Variants in NEMP2 observed in about 807,000 individuals in gnomAD.
The protein encoded by NEMP2 is nuclear envelope integral membrane protein 2.
A neutral mutation model predicts 54.2 loss-of-function variants in NEMP2; 53 were observed. The observed-to-expected ratio is 0.98, with a 90% CI of 0.78 to 1.23. The LOEUF (loss-of-function observed/expected upper bound fraction) is 1.23. Ranked by LOEUF, NEMP2 falls within the 50% of genes most tolerant of loss-of-function variation. The pLI is 0.00. For missense variants in NEMP2, 455 were observed against 511.3 expected (o/e 0.89, Z 1.06); for synonymous variants, 197 against 190.3 (o/e 1.04, Z -0.29).
chr2:190,510,633 G>A lies in NEMP2; in HGVS notation c.954-96C>T, dbSNP rs527514440. ...CTCGGTGGCTCACGCCTGTAATCCA[G>A]CATTTTGGGAGGCCTGGGGAGGCGG... is the stretch of plus-strand genomic sequence containing the variant. On this transcript the variant is annotated intron_variant, in intron 7 of 8. Transcript: ENST00000409150. This position sits in a 1 kb window ranked among gnomAD's most constrained non-coding sequence, Gnocchi z 5.7. 21 of 1,355,120 alleles carry A rather than the reference G, an allele frequency of 1.5e-5. No individual in the cohort carries two copies. The South Asian group carries it at 2.8e-4, about 18-fold the overall frequency. 83.9% of individuals were successfully genotyped at this position (1,355,120 alleles called of 1,614,324 possible). A position where few individuals can be genotyped will look rare whatever the true frequency, so the allele number is the denominator to read the frequency against.
At chr2:190,582,875 GC>G in the NEMP2 span, among the ~76,000 whole-genome samples, 1 of 152,092 alleles carries the variant, frequency 6.6e-6, no homozygotes, top group African/African-American at 2.4e-5. The surrounding 1 kb of genome is among the most constrained non-coding windows in gnomAD (Gnocchi z 4.6). Flanking sequence ...TCCTCAATTG[GC>G]CTCAGAAGTT....
the NEMP2 span, chr2:190,624,514 ATATT>A: frequency 6.6e-6 from 1 of 152,248 alleles, no homozygotes; most frequent in South Asian, 2.1e-4. Context: ...CCACATTTTC[ATATT>A]TATTACTCTA....
In NEMP2 at chr2:190,531,347, G is replaced by A. The variant is rs1457879233; in HGVS notation, c.97+3212C>T. Among the ~76,000 whole-genome samples, 2 of 152,198 alleles carry A rather than the reference G, an allele frequency of 1.3e-5. No homozygotes were observed. The highest frequency in any genetic ancestry group is 2.4e-5 in the African/African-American group (1 of 41,454). ...GTTTGCCTCAACCCTCAAGGACTGA[G>A]GAGTATCTGTGGGATCAACCCTGAA... On this transcript the variant is annotated intron_variant, in intron 1 of 8. Coordinates refer to ENST00000409150, the MANE Select transcript of NEMP2 (RefSeq NM_001142645.2). The surrounding 1 kb of genome is among the most constrained non-coding windows in gnomAD (Gnocchi z 4.7).
At chr2:190,559,238 G>C in the NEMP2 span, among the ~76,000 whole-genome samples, 2 of 152,186 alleles carry the variant, frequency 1.3e-5, no homozygotes, top group Non-Finnish European at 2.9e-5. This position sits in a 1 kb window ranked among gnomAD's most constrained non-coding sequence, Gnocchi z 4.0. Flanking sequence ...TGGAGACTAG[G>C]AAAGCAGAAA....
At chr2:190,618,116 A>C in the NEMP2 span, among the ~76,000 whole-genome samples, 1 of 152,236 alleles carries the variant, frequency 6.6e-6, no homozygotes, top group Non-Finnish European at 1.5e-5. Flanking sequence ...GAAGCCCAAG[A>C]CCTGAGCAGG....
At chr2:190,489,411 G>T in the NEMP2 span, among the ~76,000 whole-genome samples, 1 of 152,198 alleles carries the variant, frequency 6.6e-6, no homozygotes, top group Non-Finnish European at 1.5e-5. The surrounding 1 kb of genome is among the most constrained non-coding windows in gnomAD (Gnocchi z 6.6). Context: ...TTTGAGCACT[G>T]CTGTTCCAAC....
At chr2:190,600,660 A>G in the NEMP2 span, among the ~76,000 whole-genome samples, 30 of 152,164 alleles carry the variant, frequency 2.0e-4, no homozygotes, top group African/African-American at 7.2e-4. The surrounding 1 kb of genome is among the most constrained non-coding windows in gnomAD (Gnocchi z 4.9). Context: ...ATCTCTTTGC[A>G]CGTGCCAGCC....
chr2:190,613,510 T>C, the NEMP2 span, among the ~76,000 whole-genome samples: 2 of 152,226 alleles, frequency 1.3e-5, no homozygotes, highest in Admixed American at 1.3e-4. Context: ...CAGAGCTAAG[T>C]ACAAAGTTGC....
Position 190,514,593 on chromosome 2 carries a change from CA to C in NEMP2, c.812del (p.Leu271ArgfsTer27). The C allele has an allele frequency of 6.4e-7, 1 of 1,551,736 alleles. No homozygotes were observed. Among genetic ancestry groups the C allele is most frequent in the South Asian group, 1.2e-5 (1 of 84,060 alleles). On this transcript the variant is annotated frameshift_variant, in exon 7 of 9. Transcript: ENST00000409150. LOFTEE classifies it high-confidence loss of function. This position sits in a 1 kb window ranked among gnomAD's most constrained non-coding sequence, Gnocchi z 5.7. ...GGGAGAGGAGTCGCAGCATCCACAT[CA>C]GAAGACTTCTGCTCCTGTCGTCTGC... The part of the protein sequence containing the change: ...PLADDRSRSL[L>X]MWMLRLLSLV...
At chr2:190,625,098 T>G in the NEMP2 span, 167 of 152,350 alleles carry the variant, frequency 1.1e-3, no homozygotes, top group African/African-American at 3.8e-3. Context: ...GCAATGCCAG[T>G]GCTAGGTATA....
At chr2:190,600,897 G>T in the NEMP2 span, among the ~76,000 whole-genome samples, 68 of 152,268 alleles carry the variant, frequency 4.5e-4, no homozygotes, top group African/African-American at 1.3e-3. The surrounding 1 kb of genome is among the most constrained non-coding windows in gnomAD (Gnocchi z 4.9). Context: ...TCTTAGTGGT[G>T]TGTTCCCCAG....
At chr2:190,575,367 T>C in the NEMP2 span, among the ~76,000 whole-genome samples, 2 of 152,146 alleles carry the variant, frequency 1.3e-5, no homozygotes, top group African/African-American at 4.8e-5. Flanking sequence ...AGAAATTCCT[T>C]GTAGTATAAT....
At chr2:190,553,869 TG>T in the NEMP2 span, among the ~76,000 whole-genome samples, 23 of 152,344 alleles carry the variant, frequency 1.5e-4, no homozygotes, top group African/African-American at 5.3e-4. Context: ...GAGAGATTGC[TG>T]GCAAGATGGC....
chr2:190,633,394 G>A, the NEMP2 span, among the ~76,000 whole-genome samples: 1 of 149,642 alleles, frequency 6.7e-6, no homozygotes, highest in African/African-American at 2.5e-5. Flanking sequence ...GCTCACTGCA[G>A]CCTCTGCGTC....
the NEMP2 span, among the ~76,000 whole-genome samples, chr2:190,612,725 A>G: frequency 6.6e-6 from 1 of 152,284 alleles, no homozygotes; most frequent in Admixed American, 6.5e-5. Flanking sequence ...ATTTTTGAAG[A>G]TATTTTTATT....
rs1213205630 is a variant in NEMP2, at chr2:190,525,976, T to G, written c.98-598A>C. On this transcript the variant is annotated intron_variant, in intron 1 of 8. Transcript: ENST00000409150. This position sits in a 1 kb window ranked among gnomAD's most constrained non-coding sequence, Gnocchi z 5.0. ...TTGGAGGATTTTAGGTAAGTATCAG[T>G]CTCAGCAAGAAACTATTGACACTCA... 6.6e-6 allele frequency among the ~76,000 whole-genome samples: 1 copy of G among 152,130 alleles called. No individual in the cohort carries two copies. The highest frequency in any genetic ancestry group is 2.4e-5 in the African/African-American group (1 of 41,416).
the NEMP2 span, among the ~76,000 whole-genome samples, chr2:190,596,059 C>G: frequency 2.0e-5 from 3 of 152,172 alleles, no homozygotes. The surrounding 1 kb of genome is among the most constrained non-coding windows in gnomAD (Gnocchi z 5.1). Flanking sequence ...CCATGGAATA[C>G]TATGCAGCCA....
rs1351017529 is a variant in NEMP2, at chr2:190,509,631, A to G, written c.1131-319T>C. Among the ~76,000 whole-genome samples the G allele has an allele frequency of 6.6e-6, 1 of 152,226 alleles. No homozygotes were observed. Among genetic ancestry groups the G allele is most frequent in the East Asian group, 1.9e-4 (1 of 5,198 alleles). The stretch of plus-strand genomic sequence containing the variant: ...TATTATTATTCATTATTTTGTTTCA[A>G]ATACTTCCCCCTTCCATCTTTAATT... On this transcript the variant is annotated intron_variant, in intron 8 of 8. Coordinates refer to ENST00000409150, the MANE Select transcript of NEMP2 (RefSeq NM_001142645.2). This position sits in a 1 kb window ranked among gnomAD's most constrained non-coding sequence, Gnocchi z 6.1.
At chr2:190,461,622 A>G in the NEMP2 span, among the ~76,000 whole-genome samples, 133,956 of 152,140 alleles carry the variant, frequency 0.88, 59,777 homozygotes, top group East Asian at 1. This position sits in a 1 kb window ranked among gnomAD's most constrained non-coding sequence, Gnocchi z 5.5. Context: ...CCCAGATAGC[A>G]CCTTGAATGC....
Sources: allele counts gnomAD v4.1 joint callset (sites outside exome capture counted in the v4.1 genomes callset), GRCh38; gene constraint gnomAD v4.1.1; non-coding constraint Gnocchi (gnomAD v3.1); transcripts MANE v1.5; gene names NCBI Gene and HGNC (gene_info 2026-07-23, HGNC 2026-07-21).